The following AAK1 variants were observed in gnomAD, a reference collection of about 807,000 sequenced individuals.
The protein encoded by AAK1 is AP2-associated protein kinase 1.
AAK1 carries 37 observed loss-of-function variants against 116.0 expected under a neutral mutation model. The ratio of observed to expected loss-of-function variants is 0.32; its 90% CI spans 0.25 to 0.42. AAK1 has a LOEUF of 0.42. AAK1 is among the 10% of genes least tolerant of loss of function. AAK1 has a pLI of 1.00. For synonymous variants in AAK1, 458 were observed against 439.9 expected (o/e 1.04, Z -0.51); for missense variants, 919 against 1,170.6 (o/e 0.79, Z 3.14).
chr2:69,482,398 C>T, intron 18 of AAK1: 4 of 562,428 alleles, frequency 7.1e-6, no homozygotes, highest in Non-Finnish European at 1.3e-5. Context: ...TCATTAAGTT[C>T]AGTAAAGGTA....
intron 2 of AAK1, among the ~76,000 whole-genome samples, chr2:69,560,344 A>G (rs1671582358): frequency 6.6e-6 from 1 of 152,216 alleles, no homozygotes; most frequent in African/African-American, 2.4e-5. Context: ...GCTATTACGG[A>G]AGGAGGCTGT....
At chr2:69,484,956 A>G (rs1675237746) in intron 17 of AAK1, among the ~76,000 whole-genome samples, 1 of 152,142 alleles carries the variant, frequency 6.6e-6, no homozygotes, top group African/African-American at 2.4e-5. Context: ...AAAAACCCTC[A>G]CAGGGCACTA....
At chr2:69,617,670 T>G (rs961421479) in intron 2 of AAK1, among the ~76,000 whole-genome samples, 3 of 152,150 alleles carry the variant, frequency 2.0e-5, no homozygotes, top group African/African-American at 7.2e-5. Flanking sequence ...CTTGAGTGTA[T>G]GAGAGTGCAA....
Position 69,461,729 on chromosome 2 carries a change from C to A in AAK1, c.*14140G>T. On this transcript the variant is annotated 3_prime_UTR_variant, in exon 22 of 22. Transcript: ENST00000409085. ...GCCTCAGCCTCCCTAGTAACTGGGA[C>A]TACAGGTGCGTGCCATCACGCCCAG... 5.4e-6 allele frequency: 2 copies of A among 371,162 alleles called. No individual in the cohort carries two copies. The highest frequency in any genetic ancestry group is 3.4e-5 in the Admixed American group (1 of 29,254). 23.0% of individuals were successfully genotyped at this position (371,162 alleles called of 1,614,324 possible).
At chr2:69,594,936 G>T in intron 2 of AAK1, 1 of 1,004,534 alleles carries the variant, frequency 1.0e-6, no homozygotes. Context: ...TCTGCTTCCT[G>T]TCATAACGCC....
intron 17 of AAK1, among the ~76,000 whole-genome samples, chr2:69,495,644 G>A (rs1223237736): frequency 2.0e-5 from 3 of 152,098 alleles, no homozygotes; most frequent in East Asian, 3.8e-4. Context: ...TGTGCTTACA[G>A]CCTCCCCACC....
Position 69,466,043 on chromosome 2 carries a change from G to A in AAK1, c.*9826C>T. 2.3e-6 allele frequency: 3 copies of A among 1,290,920 alleles called. No individual in the cohort carries two copies. Among genetic ancestry groups the A allele is most frequent in the Non-Finnish European group, 3.0e-6 (3 of 988,880 alleles). 80.0% of individuals were successfully genotyped at this position (1,290,920 alleles called of 1,614,324 possible). On this transcript the variant is annotated 3_prime_UTR_variant, in exon 22 of 22. Coordinates refer to ENST00000409085, the MANE Select transcript of AAK1 (RefSeq NM_014911.5). ...GCTGGGAAGGAGCCATACTGCTCTT[G>A]GAGACAAATGGGGCTTTGGAGAAAA...
At chr2:69,624,056 A>G (rs1674788872) in intron 2 of AAK1, among the ~76,000 whole-genome samples, 1 of 152,120 alleles carries the variant, frequency 6.6e-6, no homozygotes, top group South Asian at 2.1e-4. Context: ...GAGAAAAAGA[A>G]AAGAGAAGGA....
Position 69,473,869 on chromosome 2 carries a change from G to A in AAK1, c.*2000C>T, listed in dbSNP as rs754888568. The A allele has an allele frequency of 5.3e-5, 52 of 985,560 alleles. No individual in the cohort carries two copies. The highest frequency in any genetic ancestry group is 6.0e-5 in the Non-Finnish European group (50 of 829,894). The allele number at this position is 985,560 out of a possible 1,614,324, so 61.1% of individuals were successfully genotyped here. On this transcript the variant is annotated 3_prime_UTR_variant, in exon 22 of 22. Transcript: ENST00000409085. ...AATTCTGACCTGCAGCAATTTTCCTGTCCATAAAGGGGTAAACCAAGTCCT... is the reference window on the plus strand; with the variant it reads ...AATTCTGACCTGCAGCAATTTTCCTATCCATAAAGGGGTAAACCAAGTCCT...
chr2:69,480,085 T>C (rs943749868), intron 19 of AAK1, among the ~76,000 whole-genome samples: 1 of 152,056 alleles, frequency 6.6e-6, no homozygotes, highest in African/African-American at 2.4e-5. Flanking sequence ...CAGGGATTGT[T>C]TTCTGAGAAG....
At position 69,530,606 on chromosome 2, in the gene AAK1, T is replaced by C. The variant is rs1230946117; in HGVS notation, c.738+19A>G. Reference sequence around the variant, plus strand: ...AGACTGCTGCTATCTGAGGTATGGATAGGTTACCTGACACCTACCCAAATG... The same window carrying C: ...AGACTGCTGCTATCTGAGGTATGGACAGGTTACCTGACACCTACCCAAATG... On this transcript the variant is annotated intron_variant, in intron 7 of 21. Coordinates refer to ENST00000409085, the MANE Select transcript of AAK1 (RefSeq NM_014911.5). The C allele has an allele frequency of 6.2e-7, 1 of 1,601,780 alleles. No individual in the cohort carries two copies. Among genetic ancestry groups the C allele is most frequent in the African/African-American group, 1.3e-5 (1 of 74,714 alleles).
Position 69,470,310 on chromosome 2 carries a change from A to T in AAK1, c.*5559T>A. 1.0e-6 allele frequency: 1 copy of T among 985,470 alleles called. No homozygotes were observed. The highest frequency in any genetic ancestry group is 1.2e-6 in the Non-Finnish European group (1 of 829,942). 61.0% of individuals were successfully genotyped at this position (985,470 alleles called of 1,614,324 possible). A position where few individuals can be genotyped will look rare whatever the true frequency, so the allele number is the denominator to read the frequency against. On this transcript the variant is annotated 3_prime_UTR_variant, in exon 22 of 22. Transcript: ENST00000409085. The stretch of plus-strand genomic sequence containing the variant: ...AGAAAGCAAAATATCCCTTCACAAG[A>T]ACTTGGAAATGCAGCAGCAATTGAA...
Position 69,466,956 on chromosome 2 carries a change from G to A in AAK1, c.*8913C>T, listed in dbSNP as rs1297065980. On this transcript the variant is annotated 3_prime_UTR_variant, in exon 22 of 22. Transcript: ENST00000409085. ...TTTGGATTATGTAGAAACACTGTCTGGGGATGACTCAATTCAGAATCTGGC... is the reference window on the plus strand; with the variant it reads ...TTTGGATTATGTAGAAACACTGTCTAGGGATGACTCAATTCAGAATCTGGC... The A allele has an allele frequency of 1.0e-6, 1 of 985,280 alleles. No individual in the cohort carries two copies. The highest frequency in any genetic ancestry group is 1.2e-6 in the Non-Finnish European group (1 of 829,944). The allele number at this position is 985,280 out of a possible 1,614,324, so 61.0% of individuals were successfully genotyped here.
chr2:69,496,198 T>A, intron 16 of AAK1, 118 bp from the exon 17 acceptor site: 1 of 684,440 alleles, frequency 1.5e-6, no homozygotes, highest in Non-Finnish European at 2.5e-6. Flanking sequence ...AACTACAGAG[T>A]AAGTCTAAGC....
rs1441690523 is a variant in AAK1 at position 69,528,351 on chromosome 2, A to G, written c.872-1032T>C. Among the ~76,000 whole-genome samples the G allele has an allele frequency of 2.0e-5, 3 of 152,190 alleles. 1 individual carries two copies. The highest frequency in any genetic ancestry group is 7.2e-5 in the African/African-American group (3 of 41,438). Reference sequence around the variant, plus strand: ...GACATGAGAGGTGGTGTTTTATAAGAGGAATCTTTTGGTGAGGGTGTGCTG... The same window carrying G: ...GACATGAGAGGTGGTGTTTTATAAGGGGAATCTTTTGGTGAGGGTGTGCTG... On this transcript the variant is annotated intron_variant, in intron 8 of 21. Transcript: ENST00000409085.
chr2:69,544,763 C>A (rs984492277), intron 3 of AAK1, among the ~76,000 whole-genome samples: 6 of 152,202 alleles, frequency 3.9e-5, no homozygotes, highest in African/African-American at 1.4e-4. Context: ...CCAGAGCACA[C>A]TCCAGAACCT....
Position 69,596,785 on chromosome 2 carries a change from G to C in AAK1, c.164-39807C>G, listed in dbSNP as rs376073741. Among the ~76,000 whole-genome samples, 70 of 152,248 alleles carry C rather than the reference G, an allele frequency of 4.6e-4. No individual in the cohort carries two copies. The East Asian group carries it at 0.012, about 26-fold the overall frequency. ...GGAGAAGGAGCCTGGTGGAGCTGTGGGCGATGCAGAAGAATGCTGGGGTAT... is the reference window on the plus strand; with the variant it reads ...GGAGAAGGAGCCTGGTGGAGCTGTGCGCGATGCAGAAGAATGCTGGGGTAT... On this transcript the variant is annotated intron_variant, in intron 2 of 21. Coordinates refer to ENST00000409085, the MANE Select transcript of AAK1 (RefSeq NM_014911.5).
intron 2 of AAK1, among the ~76,000 whole-genome samples, chr2:69,591,530 T>C (rs1217789668): frequency 4.7e-5 from 7 of 147,888 alleles, no homozygotes; most frequent in African/African-American, 1.8e-4. Flanking sequence ...TTTCTTTTTT[T>C]TTTTTTTTGA....
chr2:69,627,782 A>G (rs890417737), intron 2 of AAK1, among the ~76,000 whole-genome samples: 7 of 152,038 alleles, frequency 4.6e-5, no homozygotes, highest in Non-Finnish European at 8.8e-5. Flanking sequence ...GACAACTCCC[A>G]CTCCAACTTT....
Sources: gnomAD v4.1 joint callset for allele counts (sites outside exome capture counted in the v4.1 genomes callset) on GRCh38, gnomAD v4.1.1 for gene constraint, MANE v1.5 for transcripts, NCBI Gene and HGNC (gene_info 2026-07-23, HGNC 2026-07-21) for gene names.